CADM2: variants seen among roughly 807,000 people sequenced by gnomAD.
The protein encoded by CADM2 is cell adhesion molecule 2.
In CADM2, 12 loss-of-function variants were observed where a neutral mutation model predicts 49.8. The ratio of observed to expected loss-of-function variants is 0.24; its 90% confidence interval spans 0.15 to 0.39. CADM2 has a LOEUF of 0.39. Among genes scored for constraint, CADM2 ranks in the 10% least tolerant of loss-of-function variants. CADM2 has a pLI of 1.00. For missense variants in CADM2, 378 were observed against 492.3 expected, an observed-to-expected ratio of 0.77 and a Z score of 2.20; for synonymous variants, 214 against 175.4, an observed-to-expected ratio of 1.22 and a Z score of -1.74.
intron 2 of CADM2, among the ~76,000 whole-genome samples, chr3:85,796,560 G>T (rs2071634829): frequency 6.6e-6 from 1 of 152,088 alleles, no homozygotes; most frequent in African/African-American, 2.4e-5. Context: ...TGGCATTGAG[G>T]AGACAAAGCC....
intron 1 of CADM2, among the ~76,000 whole-genome samples, chr3:85,691,285 G>A (rs546153878): frequency 3.9e-5 from 6 of 152,218 alleles, no homozygotes; most frequent in African/African-American, 1.2e-4. Context: ...ATTCCTCTAT[G>A]TGTATGTGTG....
intron 1 of CADM2, among the ~76,000 whole-genome samples, chr3:85,300,808 G>A (rs1202829519): frequency 6.6e-6 from 1 of 152,070 alleles, no homozygotes; most frequent in Non-Finnish European, 1.5e-5. Flanking sequence ...TCGGATTGGG[G>A]GTCAAAGTGG....
chr3:85,598,853 GTGTATATA>G (rs1424893791), intron 1 of CADM2, among the ~76,000 whole-genome samples: 3 of 45,204 alleles, frequency 6.6e-5, no homozygotes, highest in South Asian at 5.8e-4. Context: ...GTGTGTGTGT[GTGTATATA>G]TATATATATA....
In CADM2 at chr3:85,607,128, GA is replaced by G. The variant is rs547172578; in HGVS notation, c.62-119386del. ...AACATCATAAAACTTTTAAAAAAGA[GA>G]AAAAAAATTAAGAGGTTTAAGAAGA... On this transcript the variant is annotated intron_variant, in intron 1 of 9. Transcript: ENST00000383699. 4.6e-5 allele frequency among the ~76,000 whole-genome samples: 7 copies of G among 151,780 alleles called. No individual in the cohort carries two copies. The East Asian group carries it at 5.8e-4, about 13-fold the overall frequency.
intron 6 of CADM2, among the ~76,000 whole-genome samples, chr3:85,922,211 T>G (rs1024303167): frequency 7.2e-5 from 11 of 151,946 alleles, no homozygotes; most frequent in Non-Finnish European, 1.2e-4. Flanking sequence ...CTTCTTCCCC[T>G]TCTTTCCTTT....
At chr3:85,982,399 T>G (rs947515655) in intron 8 of CADM2, among the ~76,000 whole-genome samples, 22 of 151,678 alleles carry the variant, frequency 1.5e-4, no homozygotes, top group African/African-American at 5.3e-4. Flanking sequence ...ACTTAAAGTT[T>G]GAAAGATAAC....
intron 1 of CADM2, among the ~76,000 whole-genome samples, chr3:85,153,836 C>T (rs2040012869): frequency 1.3e-5 from 2 of 152,306 alleles, no homozygotes; most frequent in African/African-American, 2.4e-5. Context: ...CAGACTGACA[C>T]CTCACATGGC....
intron 1 of CADM2, among the ~76,000 whole-genome samples, chr3:84,969,210 T>G (rs1245154786): frequency 6.6e-6 from 1 of 152,032 alleles, no homozygotes; most frequent in African/African-American, 2.4e-5. Flanking sequence ...CTGCAACTTG[T>G]GTCTTTTATT....
At chr3:85,236,811 A>G (rs2042417129) in intron 1 of CADM2, among the ~76,000 whole-genome samples, 1 of 151,982 alleles carries the variant, frequency 6.6e-6, no homozygotes, top group African/African-American at 2.4e-5. Context: ...TGGAAGGGTG[A>G]CCTCAACTAG....
chr3:85,991,628 T>G (rs928430948), intron 8 of CADM2, among the ~76,000 whole-genome samples: 1 of 152,138 alleles, frequency 6.6e-6, no homozygotes, highest in Non-Finnish European at 1.5e-5. Context: ...TAGTTTAAGA[T>G]TTGGCTTCTC....
intron 7 of CADM2, among the ~76,000 whole-genome samples, chr3:85,938,236 G>A (rs547305202): frequency 6.6e-6 from 1 of 152,106 alleles, no homozygotes; most frequent in East Asian, 1.9e-4. Flanking sequence ...TTCCAACAGT[G>A]CCAGATGAGG....
chr3:85,731,899 TA>T (rs1435916516), intron 2 of CADM2, among the ~76,000 whole-genome samples: 3 of 151,954 alleles, frequency 2.0e-5, no homozygotes, highest in African/African-American at 4.8e-5. Flanking sequence ...GGCCATAATA[TA>T]TTTTTTTTGA....
intron 1 of CADM2, among the ~76,000 whole-genome samples, chr3:85,494,413 G>A (rs1406422608): frequency 6.6e-6 from 1 of 152,028 alleles, no homozygotes; most frequent in African/African-American, 2.4e-5. Flanking sequence ...AAATTGAGAG[G>A]TCACCCAAAA....
At chr3:85,918,214 G>T (rs1281420857) in intron 6 of CADM2, among the ~76,000 whole-genome samples, 1 of 152,126 alleles carries the variant, frequency 6.6e-6, no homozygotes, top group Non-Finnish European at 1.5e-5. Context: ...GTGAGAGAAG[G>T]CATCCCTGTC....
chr3:85,534,668 C>T (rs2061388235), intron 1 of CADM2, among the ~76,000 whole-genome samples: 1 of 152,168 alleles, frequency 6.6e-6, no homozygotes, highest in Non-Finnish European at 1.5e-5. Context: ...CATCTGCTGG[C>T]CCCATATCTA....
At chr3:85,769,266 CAT>C (rs1491389728) in intron 2 of CADM2, among the ~76,000 whole-genome samples, 2 of 92,814 alleles carry the variant, frequency 2.2e-5, no homozygotes, top group South Asian at 2.8e-4. Flanking sequence ...TATATATACA[CAT>C]ATATACATAT....
At chr3:85,389,977 C>A (rs2034439774) in intron 1 of CADM2, among the ~76,000 whole-genome samples, 1 of 151,844 alleles carries the variant, frequency 6.6e-6, no homozygotes, top group Admixed American at 6.6e-5. Flanking sequence ...AGTAAAAGAA[C>A]AAGTCAGCAT....
At chr3:85,344,229 A>T (rs1332137195) in intron 1 of CADM2, among the ~76,000 whole-genome samples, 1 of 151,558 alleles carries the variant, frequency 6.6e-6, no homozygotes, top group Non-Finnish European at 1.5e-5. Context: ...CAAAAAAAAA[A>T]AATTAGCTGG....
intron 1 of CADM2, among the ~76,000 whole-genome samples, chr3:85,291,593 G>A (rs1421633375): frequency 6.8e-6 from 1 of 147,154 alleles, no homozygotes; most frequent in Non-Finnish European, 1.5e-5. Context: ...GGATCTCTTG[G>A]CAGAAACCCT....
Sources: allele counts gnomAD v4.1 joint callset (sites outside exome capture counted in the v4.1 genomes callset), GRCh38; gene constraint gnomAD v4.1.1; transcripts MANE v1.5; gene names NCBI Gene and HGNC (gene_info 2026-07-23, HGNC 2026-07-21).